The following THRB variants were observed in gnomAD, a reference collection of about 807,000 sequenced individuals.
The protein encoded by THRB is nuclear receptor subfamily 1 group A member 2.
THRB carries 12 observed loss-of-function variants against 47.8 expected under a neutral mutation model. The observed-to-expected ratio is 0.25, with a 90% CI of 0.16 to 0.41. The LOEUF is 0.41. THRB is among the 10% of genes least tolerant of loss of function. THRB has a pLI of 1.00. For synonymous variants in THRB, 218 were observed against 212.2 expected (o/e 1.03, Z -0.24); for missense variants, 348 against 589.2 (o/e 0.59, Z 4.24).
chr3:24,264,417 A>G (rs2052426845), intron 3 of THRB, among the ~76,000 whole-genome samples: 1 of 152,122 alleles, frequency 6.6e-6, no homozygotes, highest in South Asian at 2.1e-4. Flanking sequence ...TTTTTCCTGA[A>G]AAGTTGCAGA....
Position 24,221,922 on chromosome 3 carries a change from G to A in THRB, c.22+7016C>T, listed in dbSNP as rs115748279. 1.8e-3 allele frequency among the ~76,000 whole-genome samples: 274 copies of A among 152,226 alleles called. 1 individual carries two copies. The highest frequency in any genetic ancestry group is 6.5e-3 in the African/African-American group (269 of 41,526). On this transcript the variant is annotated intron_variant, in intron 4 of 10. Coordinates refer to ENST00000646209, the MANE Select transcript of THRB (RefSeq NM_001354712.2). ...AGAAGCTCAGGAAGTTAAACAGGAG[G>A]GATGAAAGGAGGACAGAGACAGTCA...
intron 4 of THRB, among the ~76,000 whole-genome samples, chr3:24,220,590 G>C (rs2047052337): frequency 6.6e-6 from 1 of 152,110 alleles, no homozygotes; most frequent in Admixed American, 6.6e-5. Flanking sequence ...CTGGTCACCT[G>C]GCTGTCATTT....
At chr3:24,314,481 G>A (rs771841322) in intron 2 of THRB, among the ~76,000 whole-genome samples, 10 of 152,100 alleles carry the variant, frequency 6.6e-5, no homozygotes, top group Non-Finnish European at 1.0e-4. Context: ...TGGCAATTTT[G>A]CATTTATAAT....
chr3:24,132,314 T>A (rs983973047), intron 9 of THRB, among the ~76,000 whole-genome samples: 8 of 152,308 alleles, frequency 5.3e-5, no homozygotes, highest in East Asian at 1.9e-4. Flanking sequence ...GAAATTTTTT[T>A]AAAGTTTTCC....
chr3:24,319,372 A>G (rs2058329490), intron 2 of THRB, among the ~76,000 whole-genome samples: 2 of 152,274 alleles, frequency 1.3e-5, no homozygotes, highest in Non-Finnish European at 2.9e-5. Flanking sequence ...CATGTACTCA[A>G]TACTACTCTG....
intron 1 of THRB, chr3:24,348,747 C>G (rs1035885979): frequency 2.0e-5 from 3 of 152,042 alleles, no homozygotes; most frequent in Admixed American, 2.0e-4. Flanking sequence ...TGGAAGAAAA[C>G]GCTCTCAATT....
At chr3:24,243,853 C>T (rs114195352) in intron 3 of THRB, among the ~76,000 whole-genome samples, 133 of 152,026 alleles carry the variant, frequency 8.7e-4, no homozygotes, top group Non-Finnish European at 1.6e-3. Context: ...AGTAAATACT[C>T]GTTAAATGGA....
chr3:24,466,866 G>T (rs997628057), intron 1 of THRB, among the ~76,000 whole-genome samples: 3 of 152,150 alleles, frequency 2.0e-5, no homozygotes, highest in Non-Finnish European at 4.4e-5. Flanking sequence ...CAGGGTGATG[G>T]TTGCTGAAGG....
chr3:24,220,931 C>G (rs1467977360), intron 4 of THRB, among the ~76,000 whole-genome samples: 1 of 152,198 alleles, frequency 6.6e-6, no homozygotes, highest in Admixed American at 6.5e-5. Context: ...GACACTTCAC[C>G]ACATTGGCTT....
At chr3:24,410,724 C>A (rs2068218052) in intron 1 of THRB, among the ~76,000 whole-genome samples, 1 of 151,832 alleles carries the variant, frequency 6.6e-6, no homozygotes, top group Non-Finnish European at 1.5e-5. Context: ...GTACTTACTT[C>A]AAATGCATGG....
At chr3:24,387,049 C>T (rs1052203284) in intron 1 of THRB, among the ~76,000 whole-genome samples, 2 of 152,098 alleles carry the variant, frequency 1.3e-5, no homozygotes, top group African/African-American at 2.4e-5. Context: ...TTCTCTTATC[C>T]TCTCTCCAGC....
At chr3:24,415,807 C>T (rs1457378760) in intron 1 of THRB, among the ~76,000 whole-genome samples, 1 of 151,772 alleles carries the variant, frequency 6.6e-6, no homozygotes, top group African/African-American at 2.4e-5. Flanking sequence ...TATGGAAATA[C>T]TGAATGGCTA....
At chr3:24,460,099 G>A (rs892433011) in intron 1 of THRB, among the ~76,000 whole-genome samples, 1 of 152,046 alleles carries the variant, frequency 6.6e-6, no homozygotes, top group Admixed American at 6.6e-5. Flanking sequence ...ATTATTCTAT[G>A]CTCATTAAGG....
At position 24,437,788 on chromosome 3, in the gene THRB, T is replaced by C. The variant is rs142217097; in HGVS notation, c.-261+56864A>G. Reference sequence around the variant, plus strand: ...TACAGGGAAGAAAATGAACACACTTTTGGGCTCAAAAACTAAATTTACCCA... The same window carrying C: ...TACAGGGAAGAAAATGAACACACTTCTGGGCTCAAAAACTAAATTTACCCA... On this transcript the variant is annotated intron_variant, in intron 1 of 10. Coordinates refer to ENST00000646209, the MANE Select transcript of THRB (RefSeq NM_001354712.2). 1.1e-4 allele frequency among the ~76,000 whole-genome samples: 17 copies of C among 152,112 alleles called. No homozygotes were observed. The East Asian group carries it at 3.1e-3, about 28-fold the overall frequency.
At chr3:24,325,099 A>G (rs1434645141) in intron 2 of THRB, among the ~76,000 whole-genome samples, 1 of 152,234 alleles carries the variant, frequency 6.6e-6, no homozygotes, top group African/African-American at 2.4e-5. Context: ...TTTACAGACA[A>G]TAAGAAGAAG....
At chr3:24,473,631 C>G (rs897026715) in intron 1 of THRB, among the ~76,000 whole-genome samples, 1 of 152,196 alleles carries the variant, frequency 6.6e-6, no homozygotes, top group Non-Finnish European at 1.5e-5. Flanking sequence ...TGTAAAGACA[C>G]ATGCACACAT....
intron 1 of THRB, among the ~76,000 whole-genome samples, chr3:24,413,091 T>C (rs1189981108): frequency 1.3e-5 from 2 of 151,780 alleles, no homozygotes; most frequent in African/African-American, 2.4e-5. Flanking sequence ...TTCTAAAAAT[T>C]AAGGAGGAAA....
At chr3:24,204,610 A>G (rs184577052) in intron 4 of THRB, among the ~76,000 whole-genome samples, 11 of 152,354 alleles carry the variant, frequency 7.2e-5, no homozygotes, top group African/African-American at 2.6e-4. Flanking sequence ...CCCCCTCCAA[A>G]GGAACACAGC....
chr3:24,428,072 C>G (rs2069956218), intron 1 of THRB, among the ~76,000 whole-genome samples: 2 of 151,970 alleles, frequency 1.3e-5, no homozygotes. Flanking sequence ...CCCTGTGGAT[C>G]AAAGTGGTAA....
Sources: gnomAD v4.1 joint callset for allele counts (sites outside exome capture counted in the v4.1 genomes callset) on GRCh38, gnomAD v4.1.1 for gene constraint, MANE v1.5 for transcripts, NCBI Gene and HGNC (gene_info 2026-07-23, HGNC 2026-07-21) for gene names.